STK32B: variants seen among roughly 807,000 people sequenced by gnomAD.
STK32B encodes the protein serine/threonine-protein kinase 32B.
STK32B carries 43 observed loss-of-function variants against 52.6 expected under a neutral mutation model. The ratio of observed to expected loss-of-function variants is 0.82; its 90% CI spans 0.64 to 1.05. The LOEUF is 1.05. Ranked by LOEUF, STK32B falls within the 50% of genes least tolerant of loss-of-function variation. The pLI is 0.00. For synonymous variants in STK32B, 238 were observed against 204.3 expected, an observed-to-expected ratio of 1.17 and a Z score of -1.41; for missense variants, 621 against 534.6, an observed-to-expected ratio of 1.16 and a Z score of -1.59.
rs150683333 is a variant in STK32B, at chr4:5,091,533, T to A, written c.52+39618T>A. On this transcript the variant is annotated intron_variant, in intron 1 of 11. Transcript: ENST00000282908. ...ATCAAACCCACAATGATACACTACTTCATACTCAATAGGATGGAATAATAA... is the reference window on the plus strand; with the variant it reads ...ATCAAACCCACAATGATACACTACTACATACTCAATAGGATGGAATAATAA... Among the ~76,000 whole-genome samples the A allele has an allele frequency of 1.5e-4, 23 of 152,256 alleles. No homozygotes were observed. In the Middle Eastern group the frequency reaches 0.01, roughly 68 times the overall value.
chr4:5,229,354 C>T lies in STK32B; in HGVS notation c.260+60904C>T, dbSNP rs1481001767. ...ACTAGAAGCCCAGACCTCACCACTA[C>T]GTAATGTATCCATGTAACAAAACTG... is the stretch of plus-strand genomic sequence containing the variant. On this transcript the variant is annotated intron_variant, in intron 3 of 11. Coordinates refer to ENST00000282908, the MANE Select transcript of STK32B (RefSeq NM_018401.3). Among the ~76,000 whole-genome samples, 4 of 152,036 alleles carry T rather than the reference C, an allele frequency of 2.6e-5. No homozygotes were observed. The South Asian group carries it at 6.2e-4, about 24-fold the overall frequency.
At chr4:5,275,262 G>A (rs1188564099) in intron 3 of STK32B, among the ~76,000 whole-genome samples, 1 of 152,152 alleles carries the variant, frequency 6.6e-6, no homozygotes, top group African/African-American at 2.4e-5. Flanking sequence ...ATCCTGTCTG[G>A]CCTTTTTGTT....
At chr4:5,290,538 C>T (rs1728833579) in intron 3 of STK32B, among the ~76,000 whole-genome samples, 2 of 152,116 alleles carry the variant, frequency 1.3e-5, no homozygotes, top group African/African-American at 4.8e-5. Flanking sequence ...ATGGGACCAC[C>T]GTGGTACATG....
In STK32B at chr4:5,499,228, G is replaced by A. The variant is rs376747620; in HGVS notation, c.*145G>A. 25 of 1,204,484 alleles carry A rather than the reference G, an allele frequency of 2.1e-5. No homozygotes were observed. Among genetic ancestry groups the A allele is most frequent in the Non-Finnish European group, 2.7e-5 (24 of 899,110 alleles). The allele number at this position is 1,204,484 out of a possible 1,614,324, so 74.6% of individuals were successfully genotyped here. A position where few individuals can be genotyped will look rare whatever the true frequency, so the allele number is the denominator to read the frequency against. On this transcript the variant is annotated 3_prime_UTR_variant, in exon 12 of 12. Transcript: ENST00000282908. ...CCTGGACTTGGAGCTGGGAAGCCTG[G>A]GTTCTGGTCCCATCTCCATGACTGA...
intron 3 of STK32B, among the ~76,000 whole-genome samples, chr4:5,236,400 C>T (rs768504678): frequency 2.0e-5 from 3 of 151,928 alleles, no homozygotes; most frequent in South Asian, 2.1e-4. Context: ...GATAAGTGTA[C>T]GGCTTAAAGA....
intron 6 of STK32B, among the ~76,000 whole-genome samples, chr4:5,423,659 C>T (rs1270922519): frequency 1.3e-5 from 2 of 152,148 alleles, no homozygotes; most frequent in Non-Finnish European, 2.9e-5. Flanking sequence ...TAACGAAATC[C>T]CAGTTCACTG....
intron 3 of STK32B, among the ~76,000 whole-genome samples, chr4:5,288,696 C>T (rs1560288403): frequency 6.6e-6 from 1 of 152,084 alleles, no homozygotes; most frequent in East Asian, 1.9e-4. Flanking sequence ...GATTGTCTTT[C>T]TGCTTTCTTG....
intron 11 of STK32B, among the ~76,000 whole-genome samples, chr4:5,492,261 G>A (rs1161829003): frequency 6.6e-6 from 1 of 152,170 alleles, no homozygotes; most frequent in African/African-American, 2.4e-5. Context: ...TCATTGAGCA[G>A]TGGCTTGTAG....
At chr4:5,201,177 T>C (rs1022100299) in intron 3 of STK32B, among the ~76,000 whole-genome samples, 3 of 152,108 alleles carry the variant, frequency 2.0e-5, no homozygotes, top group Non-Finnish European at 2.9e-5. Context: ...AGGAGAGAGA[T>C]CAATTATGTT....
At chr4:5,210,041 T>C (rs556211408) in intron 3 of STK32B, among the ~76,000 whole-genome samples, 22 of 152,174 alleles carry the variant, frequency 1.4e-4, no homozygotes, top group African/African-American at 4.8e-4. Flanking sequence ...AAGGCTTAAA[T>C]TGTGCGTCAT....
chr4:5,295,543 T>G (rs1729142655), intron 3 of STK32B, among the ~76,000 whole-genome samples: 1 of 152,166 alleles, frequency 6.6e-6, no homozygotes, highest in Non-Finnish European at 1.5e-5. Context: ...TCTTCTAGAT[T>G]TTCTAGTTTA....
chr4:5,483,683 G>T (rs974648657), intron 11 of STK32B, among the ~76,000 whole-genome samples: 2 of 151,976 alleles, frequency 1.3e-5, no homozygotes, highest in Admixed American at 1.3e-4. Flanking sequence ...TGATGTTAGG[G>T]TATCAATTTT....
intron 1 of STK32B, among the ~76,000 whole-genome samples, chr4:5,081,274 C>T (rs978694718): frequency 1.3e-5 from 2 of 152,092 alleles, no homozygotes; most frequent in African/African-American, 2.4e-5. Context: ...AGTATCTTTT[C>T]TCTTGATGCT....
chr4:5,448,950 T>G (rs753415729), intron 7 of STK32B, among the ~76,000 whole-genome samples: 1 of 152,110 alleles, frequency 6.6e-6, no homozygotes, highest in Non-Finnish European at 1.5e-5. Context: ...CTACGTAAAT[T>G]TAGGAGTTAT....
intron 3 of STK32B, among the ~76,000 whole-genome samples, chr4:5,310,118 A>G (rs1302130953): frequency 6.6e-6 from 1 of 152,174 alleles, no homozygotes; most frequent in African/African-American, 2.4e-5. Flanking sequence ...GTGAGCCCAG[A>G]TCACGCCACT....
chr4:5,327,809 C>T (rs893647778), intron 3 of STK32B, among the ~76,000 whole-genome samples: 1 of 152,170 alleles, frequency 6.6e-6, no homozygotes, highest in African/African-American at 2.4e-5. Flanking sequence ...CCCTTTGAAG[C>T]CAGGCATTGA....
chr4:5,355,106 CG>C (rs1458620426), intron 4 of STK32B, among the ~76,000 whole-genome samples: 1 of 152,056 alleles, frequency 6.6e-6, no homozygotes, highest in Non-Finnish European at 1.5e-5. Flanking sequence ...TGTTTCTATC[CG>C]TGAAGTTTGG....
rs548358055 is a variant in STK32B at position 5,082,069 on chromosome 4, A to AT, written c.52+30160dup. ...ACCTGTACTAGTCAGCCCAGCTAGG[A>AT]TTTTTTAGGCTTTCTTAGACCTCTT... On this transcript the variant is annotated intron_variant, in intron 1 of 11. Coordinates refer to ENST00000282908, the MANE Select transcript of STK32B (RefSeq NM_018401.3). Among the ~76,000 whole-genome samples the AT allele has an allele frequency of 3.3e-5, 5 of 152,068 alleles. No homozygotes were observed. The South Asian group carries it at 1.0e-3, about 32-fold the overall frequency.
chr4:5,261,182 C>T (rs1726689236), intron 3 of STK32B, among the ~76,000 whole-genome samples: 1 of 152,146 alleles, frequency 6.6e-6, no homozygotes, highest in African/African-American at 2.4e-5. Flanking sequence ...TTCACTACAG[C>T]CTGGCCCTGC....
Sources: allele counts gnomAD v4.1 joint callset (sites outside exome capture counted in the v4.1 genomes callset), GRCh38; gene constraint gnomAD v4.1.1; transcripts MANE v1.5; gene names NCBI Gene and HGNC (gene_info 2026-07-23, HGNC 2026-07-21).